Variants in KDM6B observed in about 807,000 individuals in gnomAD.
The protein encoded by KDM6B is lysine demethylase 6B, also known as lysine-specific demethylase 6B.
In KDM6B, 22 loss-of-function variants were observed where a neutral mutation model predicts 150.4. The ratio of observed to expected loss-of-function variants is 0.15; its 90% CI spans 0.10 to 0.21. The LOEUF (loss-of-function observed/expected upper bound fraction) is 0.21. Among genes scored for constraint, KDM6B ranks in the 10% least tolerant of loss-of-function variants. The pLI is 1.00. For synonymous variants in KDM6B, 1,148 were observed against 921.1 expected (o/e 1.25, Z -4.46); for missense variants, 1,984 against 2,234.3 (o/e 0.89, Z 2.26).
chr17:7,851,410 G>T lies in KDM6B; in HGVS notation c.3944+16G>T. 1.2e-6 allele frequency: 2 copies of T among 1,614,128 alleles called. No individual in the cohort carries two copies. Among genetic ancestry groups the T allele is most frequent in the Non-Finnish European group, 1.7e-6 (2 of 1,179,992 alleles). Reference sequence around the variant, plus strand: ...CCCCTCCTAGGTACTGTGCAGGTGTGCCCCTTCTGTTCCTGCTTCCTTCCC... The same window carrying T: ...CCCCTCCTAGGTACTGTGCAGGTGTTCCCCTTCTGTTCCTGCTTCCTTCCC... On this transcript the variant is annotated intron_variant, in intron 16 of 23. Coordinates refer to ENST00000448097, the MANE Select transcript of KDM6B (RefSeq NM_001348716.2).
chr17:7,854,791 A>C lies in KDM6B; in HGVS notation c.*1270A>C. ...ATTAATATTAAAAATAAACGGAGAA[A>C]AAAAATCCTGTTTCGCTAACGGCTG... On this transcript the variant is annotated 3_prime_UTR_variant, in exon 24 of 24. Transcript: ENST00000448097. 2.4e-6 allele frequency: 1 copy of C among 408,346 alleles called. No individual in the cohort carries two copies. The allele number at this position is 408,346 out of a possible 1,614,324, so 25.3% of individuals were successfully genotyped here.
intron 2 of KDM6B, among the ~76,000 whole-genome samples, chr17:7,842,325 G>T (rs1252570527): frequency 6.6e-6 from 1 of 152,198 alleles, no homozygotes; most frequent in Non-Finnish European, 1.5e-5. Context: ...GTGTGGCCTC[G>T]GCGGGAGCGG....
chr17:7,845,503 T>G, intron 4 of KDM6B, 47 bp downstream of exon 4: 1 of 1,611,964 alleles, frequency 6.2e-7, no homozygotes, highest in Non-Finnish European at 8.5e-7. Context: ...CACTGGCAGC[T>G]CTGGTTTTGC....
rs1354210910 is a variant in KDM6B, at chr17:7,834,295, C to G, written c.-443C>G. Among the ~76,000 whole-genome samples, 1 of 151,602 alleles carries G rather than the reference C, an allele frequency of 6.6e-6. No individual in the cohort carries two copies. The highest frequency in any genetic ancestry group is 2.4e-5 in the African/African-American group (1 of 41,272). ...CGGCCTGGGAGAAGGGGGGGCCGCTCGACCCCCTGGGATACCTTGGGGAGC... is the reference window on the plus strand; with the variant it reads ...CGGCCTGGGAGAAGGGGGGGCCGCTGGACCCCCTGGGATACCTTGGGGAGC... On this transcript the variant is annotated 5_prime_UTR_variant, in exon 1 of 24. Coordinates refer to ENST00000448097, the MANE Select transcript of KDM6B (RefSeq NM_001348716.2).
intron 1 of KDM6B, among the ~76,000 whole-genome samples, 141 bp downstream of exon 1, chr17:7,834,491 G>A (rs6503065): frequency 0.97 from 147,975 of 152,080 alleles, 72,136 homozygotes; most frequent in East Asian, 1. Context: ...GACTGGGGCG[G>A]AGGTCATGGG....
Position 7,854,377 on chromosome 17 carries a change from G to A in KDM6B, c.*856G>A, listed in dbSNP as rs1257513222. 6.6e-6 allele frequency: 1 copy of A among 152,312 alleles called. No individual in the cohort carries two copies. Among genetic ancestry groups the A allele is most frequent in the Non-Finnish European group, 1.5e-5 (1 of 67,974 alleles). The allele number at this position is 152,312 out of a possible 1,614,324, so 9.4% of individuals were successfully genotyped here. On this transcript the variant is annotated 3_prime_UTR_variant, in exon 24 of 24. Coordinates refer to ENST00000448097, the MANE Select transcript of KDM6B (RefSeq NM_001348716.2). ...GGGTGAGCAACTCCTGTACTGTAGG[G>A]GAAGAAGTGGGAACTGAAATGGTAT...
At chr17:7,835,789 C>T (rs989682994) in intron 1 of KDM6B, among the ~76,000 whole-genome samples, 1 of 151,396 alleles carries the variant, frequency 6.6e-6, no homozygotes, top group Non-Finnish European at 1.5e-5. Context: ...CCCCCTTGCG[C>T]CTGCGCGGCG....
chr17:7,847,826 G>GCCCTGCCCCACCACCCCT lies in KDM6B; in HGVS notation c.1542_1559dup (p.Ala515_Pro520dup). The GCCCTGCCCCACCACCCCT allele has an allele frequency of 2.7e-5, 12 of 438,634 alleles. No homozygotes were observed. Among genetic ancestry groups the GCCCTGCCCCACCACCCCT allele is most frequent in the East Asian group, 1.1e-4 (2 of 18,596 alleles). 27.2% of individuals were successfully genotyped at this position (438,634 alleles called of 1,614,324 possible). A position where few individuals can be genotyped will look rare whatever the true frequency, so the allele number is the denominator to read the frequency against. On this transcript the variant is annotated inframe_insertion, in exon 12 of 24. Coordinates refer to ENST00000448097, the MANE Select transcript of KDM6B (RefSeq NM_001348716.2). ...TTCTTTGGGACTGAGGGACCCCCCC[G>GCCCTGCCCCACCACCCCT]CCCTGCCCCACCACCCCTCCCCCAT...
Position 7,851,994 on chromosome 17 carries a change from T to C in KDM6B, c.4209T>C (p.Ile1403=). 1 of 1,614,028 alleles carries C rather than the reference T, an allele frequency of 6.2e-7. No homozygotes were observed. The highest frequency in any genetic ancestry group is 1.1e-5 in the South Asian group (1 of 91,078). The change falls in exon 19 of 24, where the codon ATT becomes ATC. Residue 1403 remains isoleucine, a synonymous_variant. Coordinates refer to ENST00000448097, the MANE Select transcript of KDM6B (RefSeq NM_001348716.2). ...ACTTCTGCTCCGTCAACATCAACAT[T>C]GGCCCAGGCGACTGCGAGTGGTTCG... is the stretch of plus-strand genomic sequence containing the variant. ...NNNFCSVNIN[I]GPGDCEWFAV...
At chr17:7,834,408 C>T (rs2078289031) in intron 1 of KDM6B, among the ~76,000 whole-genome samples, 58 bp downstream of exon 1, 1 of 152,074 alleles carries the variant, frequency 6.6e-6, no homozygotes, top group Admixed American at 6.5e-5. Context: ...TGCAGCAGGG[C>T]AGGACGCCTG....
chr17:7,852,646 C>A lies in KDM6B; in HGVS notation c.4610+10C>A. 1 of 1,613,998 alleles carries A rather than the reference C, an allele frequency of 6.2e-7. No homozygotes were observed. On this transcript the variant is annotated intron_variant, in intron 21 of 23. Coordinates refer to ENST00000448097, the MANE Select transcript of KDM6B (RefSeq NM_001348716.2). The stretch of plus-strand genomic sequence containing the variant: ...TGTTCAAGATGATCAAGTGAGGACC[C>A]TATTTGGGTGGGAGCCCACCTCCAC...
Position 7,848,666 on chromosome 17 carries a change from C to A in KDM6B, c.2378C>A (p.Pro793Gln), listed in dbSNP as rs2078620295. The A allele has an allele frequency of 1.9e-6, 3 of 1,608,082 alleles. No individual in the cohort carries two copies. The highest frequency in any genetic ancestry group is 2.5e-6 in the Non-Finnish European group (3 of 1,178,084). ...KFPPPSQPQP[P>Q]PPPPPSPASL... ...CCTCCACCCTCTCAGCCACAGCCACCACCACCCCCACCCCCCAGCCCGGCC... is the reference window on the plus strand; with the variant it reads ...CCTCCACCCTCTCAGCCACAGCCACAACCACCCCCACCCCCCAGCCCGGCC... Residue 793 changes from proline (P) to glutamine (Q), a missense_variant, in exon 12 of 24, where the codon CCA becomes CAA. By Grantham distance (76) the Pro-to-Gln change is moderately conservative. Coordinates refer to ENST00000448097, the MANE Select transcript of KDM6B (RefSeq NM_001348716.2).
At chr17:7,852,945 C>G (rs2078730843) in intron 21 of KDM6B, 55 bp from the exon 22 acceptor site, 2 of 1,612,368 alleles carry the variant, frequency 1.2e-6, no homozygotes, top group Non-Finnish European at 1.7e-6. Context: ...TGCTCCAGCC[C>G]TGCCTCAGGC....
chr17:7,839,256 A>T, intron 1 of KDM6B, among the ~76,000 whole-genome samples: 1 of 152,072 alleles, frequency 6.6e-6, no homozygotes, highest in East Asian at 1.9e-4. Context: ...TAGGCCACAT[A>T]AGAGGAAGGA....
rs1188054979 is a variant in KDM6B, at chr17:7,848,448, C to A, written c.2160C>A (p.Ala720=). ...EEQQQHEAGV[A]PQPPLKEPFA... is the part of the protein sequence containing the mutation. ...AGCAACAACACGAAGCAGGCGTGGCCCCCCAACCCCCGCTGAAGGAGCCCT... is the reference window on the plus strand; with the variant it reads ...AGCAACAACACGAAGCAGGCGTGGCACCCCAACCCCCGCTGAAGGAGCCCT... The change falls in exon 12 of 24, where the codon GCC becomes GCA. Residue 720 remains alanine, a synonymous_variant. Transcript: ENST00000448097. 6.2e-7 allele frequency: 1 copy of A among 1,612,358 alleles called. No individual in the cohort carries two copies. The highest frequency in any genetic ancestry group is 8.5e-7 in the Non-Finnish European group (1 of 1,179,992).
At position 7,853,480 on chromosome 17, in the gene KDM6B, C is replaced by A. The variant is rs562204589; in HGVS notation, c.4909-18C>A. 6.0e-4 allele frequency: 906 copies of A among 1,503,876 alleles called. 3 individuals carry two copies. In the African/African-American group the frequency reaches 0.011, roughly 18 times the overall value. 93.2% of individuals were successfully genotyped at this position (1,503,876 alleles called of 1,614,324 possible). A position where few individuals can be genotyped will look rare whatever the true frequency, so the allele number is the denominator to read the frequency against. On this transcript the variant is annotated intron_variant, in intron 23 of 23. Transcript: ENST00000448097. ...GGCCGCGCCTTTCCCTGAGCCCCCG[C>A]CGGCTTTCTCCCCCCAGGCCCCAGC...
At chr17:7,845,195 C>T in intron 3 of KDM6B, 119 bp from the exon 4 acceptor site, 1 of 403,486 alleles carries the variant, frequency 2.5e-6, no homozygotes, top group Non-Finnish European at 4.7e-6. Context: ...TTGGGGAAAG[C>T]TAAGGCCGGG....
At chr17:7,839,731 G>A (rs969950776) in intron 1 of KDM6B, among the ~76,000 whole-genome samples, 175 bp from the exon 2 acceptor site, 6 of 152,136 alleles carry the variant, frequency 3.9e-5, no homozygotes, top group African/African-American at 1.4e-4. Context: ...GCTTCCCAAA[G>A]GGGAAGGTTG....
rs761981660 is a variant in KDM6B, at chr17:7,846,624, C to A, written c.595C>A (p.Arg199=). The A allele has an allele frequency of 2.5e-6, 4 of 1,613,992 alleles. No homozygotes were observed. The African/African-American group carries it at 4.0e-5, about 16-fold the overall frequency. The stretch of plus-strand genomic sequence containing the variant: ...CAAGCGGGGAGGTCCCCCGGTGAAG[C>A]GAGCTGCTGAACCCCCAGTGGTGCA... ...GAKRGGPPVK[R]AAEPPVVQPV... is the part of the protein sequence containing the mutation. Residue 199 remains arginine, a synonymous_variant, in exon 9 of 24, where the codon CGA becomes AGA. Coordinates refer to ENST00000448097, the MANE Select transcript of KDM6B (RefSeq NM_001348716.2).
Sources: gnomAD v4.1 joint callset for allele counts (sites outside exome capture counted in the v4.1 genomes callset) on GRCh38, gnomAD v4.1.1 for gene constraint, MANE v1.5 for transcripts, NCBI Gene and HGNC (gene_info 2026-07-23, HGNC 2026-07-21) for gene names.